The following OR1J2 variants were observed in gnomAD, a reference collection of about 807,000 sequenced individuals.
The protein encoded by OR1J2 is olfactory receptor 1J2.
For synonymous variants in OR1J2, 142 were observed against 99.7 expected (o/e 1.42, Z -2.52); for missense variants, 304 against 246.1 (o/e 1.24, Z -1.57).
chr9:122,513,492 C>T (rs1007279791), downstream of OR1J2, among the ~76,000 whole-genome samples: 9 of 151,924 alleles, frequency 5.9e-5, no homozygotes, highest in Non-Finnish European at 1.2e-4. Flanking sequence ...CAGAGTTCAA[C>T]CTGAACTTCC....
At chr9:122,536,208 A>T in the OR1J2 span, among the ~76,000 whole-genome samples, 2 of 152,176 alleles carry the variant, frequency 1.3e-5, no homozygotes, top group South Asian at 2.1e-4. Context: ...GTGTAAATGC[A>T]TCTCCTTGCT....
the OR1J2 span, chr9:122,567,563 C>A: frequency 6.3e-7 from 1 of 1,583,896 alleles, no homozygotes; most frequent in South Asian, 1.2e-5. Context: ...ATCTCTTGCT[C>A]ATAAGCTTCC....
At chr9:122,489,004 A>AC in the OR1J2 span, among the ~76,000 whole-genome samples, 3 of 144,486 alleles carry the variant, frequency 2.1e-5, no homozygotes, top group Non-Finnish European at 3.0e-5. Context: ...CCCTCCCCTA[A>AC]CCCCCCCACC....
chr9:122,462,772 G>A, the OR1J2 span, among the ~76,000 whole-genome samples: 1 of 152,142 alleles, frequency 6.6e-6, no homozygotes, highest in Non-Finnish European at 1.5e-5. Flanking sequence ...AGCTTGTAGG[G>A]TTTCTTCTGA....
At chr9:122,461,476 T>C in the OR1J2 span, among the ~76,000 whole-genome samples, 1 of 152,138 alleles carries the variant, frequency 6.6e-6, no homozygotes, top group Non-Finnish European at 1.5e-5. Context: ...TTTGGATTGT[T>C]ATTGTTTCTC....
At chr9:122,484,959 G>A in the OR1J2 span, among the ~76,000 whole-genome samples, 150 of 152,226 alleles carry the variant, frequency 9.9e-4, 1 homozygote, top group African/African-American at 3.5e-3. Context: ...GCTTGAGCTC[G>A]GGAGGTCGAG....
chr9:122,519,273 A>G, the OR1J2 span: 10 of 1,613,818 alleles, frequency 6.2e-6, no homozygotes, highest in Non-Finnish European at 8.5e-6. Flanking sequence ...GAACCTGCTC[A>G]TCATCCTGCT....
Position 122,511,580 on chromosome 9 carries a change from T to C in OR1J2, c.779T>C (p.Leu260Pro). 1.3e-6 allele frequency: 1 copy of C among 781,066 alleles called. No homozygotes were observed. The highest frequency in any genetic ancestry group is 2.4e-6 in the Non-Finnish European group (1 of 418,122). 48.4% of individuals were successfully genotyped at this position (781,066 alleles called of 1,614,324 possible). A position where few individuals can be genotyped will look rare whatever the true frequency, so the allele number is the denominator to read the frequency against. ...LYYGSIFGQYLFPTVSSSIDK... is the reference protein window; with the variant it reads ...LYYGSIFGQYPFPTVSSSIDK... ...TATGGGTCAATATTTGGCCAGTACCTTTTCCCGACTGTAAGCAGTTCTATT... is the reference window on the plus strand; with the variant it reads ...TATGGGTCAATATTTGGCCAGTACCCTTTCCCGACTGTAAGCAGTTCTATT... Residue 260 changes from leucine to proline, a missense_variant, in exon 1 of 1, where the codon CTT (leucine) becomes CCT (proline). Transcript: ENST00000335302.
At chr9:122,519,543 A>C in the OR1J2 span, 4 of 1,613,948 alleles carry the variant, frequency 2.5e-6, no homozygotes, top group Non-Finnish European at 3.4e-6. Context: ...CTACACCACT[A>C]TCATGAAAGA....
chr9:122,526,800 G>T, the OR1J2 span: 1 of 1,614,104 alleles, frequency 6.2e-7, no homozygotes, highest in South Asian at 1.1e-5. Flanking sequence ...CACACAGAAG[G>T]ACAACCGAGC....
At chr9:122,518,527 T>C in the OR1J2 span, among the ~76,000 whole-genome samples, 10 of 152,370 alleles carry the variant, frequency 6.6e-5, no homozygotes, top group African/African-American at 2.4e-4. Flanking sequence ...TTCATGGGGT[T>C]CTACCCTCAT....
the OR1J2 span, among the ~76,000 whole-genome samples, chr9:122,550,039 C>T: frequency 3.3e-5 from 5 of 149,314 alleles, no homozygotes; most frequent in East Asian, 6.1e-4. Flanking sequence ...TTTCTTTCTT[C>T]AGTGTTTTGT....
At chr9:122,571,292 C>A in the OR1J2 span, among the ~76,000 whole-genome samples, 1 of 152,158 alleles carries the variant, frequency 6.6e-6, no homozygotes, top group African/African-American at 2.4e-5. Context: ...TGGCTCACAC[C>A]TGTAATCCCA....
the OR1J2 span, among the ~76,000 whole-genome samples, chr9:122,470,620 A>G: frequency 6.6e-6 from 1 of 152,200 alleles, no homozygotes; most frequent in African/African-American, 2.4e-5. Context: ...ACTGTTCTCC[A>G]GACCCCAGAA....
chr9:122,521,958 ACTAT>A, the OR1J2 span, among the ~76,000 whole-genome samples: 5 of 152,200 alleles, frequency 3.3e-5, no homozygotes, highest in African/African-American at 1.2e-4. Context: ...GTGTTTCATC[ACTAT>A]CTGTCTTACC....
chr9:122,453,848 C>T, the OR1J2 span, among the ~76,000 whole-genome samples: 2 of 152,184 alleles, frequency 1.3e-5, no homozygotes, highest in South Asian at 2.1e-4. Context: ...TTTGCTTTAA[C>T]AATGGAGTGT....
the OR1J2 span, among the ~76,000 whole-genome samples, chr9:122,484,321 C>T: frequency 1.2e-4 from 19 of 152,120 alleles, no homozygotes; most frequent in African/African-American, 4.3e-4. Flanking sequence ...ACCACCATGC[C>T]GAGCTAATTT....
chr9:122,448,068 C>T, the OR1J2 span, among the ~76,000 whole-genome samples: 1 of 152,136 alleles, frequency 6.6e-6, no homozygotes, highest in Non-Finnish European at 1.5e-5. Flanking sequence ...CTGCGGAGGA[C>T]TTGCACTGGC....
chr9:122,477,885 G>A, the OR1J2 span: 7 of 1,611,770 alleles, frequency 4.3e-6, no homozygotes, highest in South Asian at 4.4e-5. Flanking sequence ...GGAGGCCCAG[G>A]AGGAGGAACT....
Sources: gnomAD v4.1 joint callset for allele counts (sites outside exome capture counted in the v4.1 genomes callset) on GRCh38, gnomAD v4.1.1 for gene constraint, MANE v1.5 for transcripts, NCBI Gene and HGNC (gene_info 2026-07-23, HGNC 2026-07-21) for gene names.